GPHN: variants seen among roughly 807,000 people sequenced by gnomAD.
GPHN encodes gephyrin.
In GPHN, 17 loss-of-function variants were observed where a neutral mutation model predicts 95.5. That is an observed-to-expected ratio of 0.18 (90% CI 0.12 to 0.27). GPHN has a LOEUF of 0.27. GPHN is among the 10% of genes least tolerant of loss of function. The probability of loss-of-function intolerance (pLI) is 1.00; values close to 1 mark genes in which losing one functional copy is unlikely to be tolerated. For synonymous variants in GPHN, 320 were observed against 322.5 expected (o/e 0.99, Z 0.08); for missense variants, 660 against 978.1 (o/e 0.67, Z 4.34).
chr14:66,785,586 T>A (rs1464574907), intron 3 of GPHN, among the ~76,000 whole-genome samples: 1 of 151,548 alleles, frequency 6.6e-6, no homozygotes, highest in Non-Finnish European at 1.5e-5. Flanking sequence ...AACACACATT[T>A]TTTTTCAAGC....
At chr14:67,544,043 G>T in the GPHN span, among the ~76,000 whole-genome samples, 2 of 152,254 alleles carry the variant, frequency 1.3e-5, no homozygotes, top group East Asian at 3.9e-4. Flanking sequence ...CCAGCTGGAG[G>T]TTGGAGCTGA....
chr14:66,562,203 A>C (rs1414740212), intron 1 of GPHN, among the ~76,000 whole-genome samples: 1 of 152,142 alleles, frequency 6.6e-6, no homozygotes, highest in Admixed American at 6.6e-5. Context: ...GGGGTCCTGT[A>C]AATTAGACTG....
At chr14:66,606,490 A>G (rs1438667500) in intron 1 of GPHN, among the ~76,000 whole-genome samples, 2 of 152,184 alleles carry the variant, frequency 1.3e-5, no homozygotes, top group Non-Finnish European at 2.9e-5. Context: ...ATATTAGAAT[A>G]GGCTTTTCTA....
chr14:67,114,756 A>G (rs1269794182), intron 16 of GPHN, among the ~76,000 whole-genome samples: 1 of 152,228 alleles, frequency 6.6e-6, no homozygotes, highest in Non-Finnish European at 1.5e-5. Context: ...ACTCTGTTTA[A>G]GCGATATTGC....
chr14:67,349,021 A>T, the GPHN span: 3 of 1,611,590 alleles, frequency 1.9e-6, no homozygotes, highest in South Asian at 2.2e-5. Context: ...GGGTTTCTAA[A>T]AGGTTGAAAC....
intron 5 of GPHN, among the ~76,000 whole-genome samples, chr14:66,915,603 A>G (rs2065861274): frequency 6.6e-6 from 1 of 152,196 alleles, no homozygotes; most frequent in African/African-American, 2.4e-5. Flanking sequence ...AAGAGCTCAA[A>G]TCTAAATCTT....
the GPHN span, among the ~76,000 whole-genome samples, chr14:67,633,728 G>A: frequency 1.3e-5 from 2 of 152,190 alleles, no homozygotes; most frequent in Admixed American, 6.5e-5. Flanking sequence ...GCCTTGCCCC[G>A]GCTCCTGCCG....
the GPHN span, chr14:67,580,830 T>C: frequency 2.8e-6 from 2 of 709,282 alleles, no homozygotes; most frequent in Non-Finnish European, 4.9e-6. Flanking sequence ...GGGAGGACTT[T>C]TCCTTAGTTT....
the GPHN span, among the ~76,000 whole-genome samples, chr14:67,344,713 A>G: frequency 1.3e-5 from 2 of 149,674 alleles, no homozygotes; most frequent in African/African-American, 2.5e-5. Flanking sequence ...ACCTCATCTC[A>G]ACTAAAAAAT....
At chr14:67,415,725 C>T in the GPHN span, among the ~76,000 whole-genome samples, 1 of 152,160 alleles carries the variant, frequency 6.6e-6, no homozygotes, top group Non-Finnish European at 1.5e-5. Flanking sequence ...ATGGAATCAA[C>T]CCAAATGCCC....
the GPHN span, among the ~76,000 whole-genome samples, chr14:67,309,745 G>A: frequency 6.6e-6 from 1 of 152,128 alleles, no homozygotes; most frequent in African/African-American, 2.4e-5. Flanking sequence ...CAAGGAACCT[G>A]ATTAAAATTC....
chr14:67,734,837 C>T, the GPHN span, among the ~76,000 whole-genome samples: 1 of 152,218 alleles, frequency 6.6e-6, no homozygotes, highest in Non-Finnish European at 1.5e-5. Context: ...CTCCTTCCTT[C>T]CTGAAGGAGG....
At chr14:67,085,951 A>C (rs552876431) in intron 11 of GPHN, among the ~76,000 whole-genome samples, 3 of 152,362 alleles carry the variant, frequency 2.0e-5, no homozygotes, top group African/African-American at 7.2e-5. Context: ...TGTAAGTGGA[A>C]TCATAAAATA....
chr14:67,393,841 G>A, the GPHN span, among the ~76,000 whole-genome samples: 1 of 152,120 alleles, frequency 6.6e-6, no homozygotes, highest in Non-Finnish European at 1.5e-5. Context: ...CCTCCCCAGT[G>A]GTCACAGGTT....
At chr14:67,063,377 C>G (rs2075902142) in intron 11 of GPHN, among the ~76,000 whole-genome samples, 1 of 152,152 alleles carries the variant, frequency 6.6e-6, no homozygotes, top group African/African-American at 2.4e-5. Flanking sequence ...ATGCTTCCAG[C>G]TTTGTTATTT....
chr14:67,560,055 C>G, the GPHN span, among the ~76,000 whole-genome samples: 1 of 152,208 alleles, frequency 6.6e-6, no homozygotes, highest in East Asian at 1.9e-4. Context: ...GAGACAGAGT[C>G]TCGCTCTCTC....
chr14:67,203,423 C>CA, the GPHN span: 1 of 685,084 alleles, frequency 1.5e-6, no homozygotes, highest in South Asian at 2.6e-5. Flanking sequence ...CTGCAAATGA[C>CA]AAAGAGGAGC....
At chr14:66,634,700 C>A (rs140529299) in intron 1 of GPHN, among the ~76,000 whole-genome samples, 1,844 of 152,214 alleles carry the variant, frequency 0.012, 22 homozygotes, top group Non-Finnish European at 0.018. Context: ...GCCAGTCTGG[C>A]TGGTCCCCAG....
the GPHN span, among the ~76,000 whole-genome samples, chr14:67,559,041 G>A: frequency 1.8e-4 from 28 of 152,344 alleles, no homozygotes; most frequent in South Asian, 5.8e-3. Flanking sequence ...TTCCAGCTCT[G>A]AAATACTGAG....
Sources: gnomAD v4.1 joint callset for allele counts (sites outside exome capture counted in the v4.1 genomes callset) on GRCh38, gnomAD v4.1.1 for gene constraint, MANE v1.5 for transcripts, NCBI Gene and HGNC (gene_info 2026-07-23, HGNC 2026-07-21) for gene names.